The following KLF8 variants were observed in gnomAD, a reference collection of about 807,000 sequenced individuals.
KLF8 encodes the protein KLF transcription factor 8.
In KLF8, 10 loss-of-function variants were observed where a neutral mutation model predicts 18.2. The observed-to-expected ratio is 0.55, with a 90% CI of 0.34 to 0.93. The LOEUF (loss-of-function observed/expected upper bound fraction) is 0.93. Ranked by LOEUF, KLF8 falls within the 40% of genes least tolerant of loss-of-function variation. The probability of loss-of-function intolerance (pLI) is 0.02; values close to 1 mark genes in which losing one functional copy is unlikely to be tolerated. For missense variants in KLF8, 264 were observed against 277.9 expected (o/e 0.95, Z 0.36); for synonymous variants, 109 against 97.3 (o/e 1.12, Z -0.71).
chrX:55,953,922 T>C, the KLF8 span, among the ~76,000 whole-genome samples: 1 of 109,407 alleles, frequency 9.1e-6, no homozygotes, highest in African/African-American at 3.3e-5. Context: ...AAACAAACAA[T>C]CAAATTATAT....
chrX:56,161,021 C>G, the KLF8 span, among the ~76,000 whole-genome samples: 1 of 111,447 alleles, frequency 9.0e-6, no homozygotes, highest in Admixed American at 9.6e-5. Flanking sequence ...TTTGCAGTGG[C>G]TGGTACCGGT....
chrX:55,935,711 T>C, the KLF8 span, among the ~76,000 whole-genome samples: 17 of 112,247 alleles, frequency 1.5e-4, no homozygotes, highest in Non-Finnish European at 3.8e-5. Context: ...GTGATAACTT[T>C]TATAAGACTT....
the KLF8 span, among the ~76,000 whole-genome samples, chrX:56,127,751 T>A: frequency 1.8e-5 from 2 of 112,024 alleles, no homozygotes; most frequent in African/African-American, 6.5e-5. Flanking sequence ...TCATGTTATA[T>A]ACCTTAAAAT....
chrX:56,097,475 G>T, the KLF8 span, among the ~76,000 whole-genome samples: 2 of 106,952 alleles, frequency 1.9e-5, no homozygotes, highest in Admixed American at 2.0e-4. Flanking sequence ...GATTACATGT[G>T]TGTGCACCAC....
chrX:55,928,614 T>G, the KLF8 span, among the ~76,000 whole-genome samples: 17 of 111,383 alleles, frequency 1.5e-4, no homozygotes, highest in African/African-American at 5.2e-4. Context: ...ACATGTAGTA[T>G]TTGGTTTTTG....
rs755129733 is a variant in KLF8 at position 56,274,597 on chromosome X, G to T, written c.898+4276G>T. Among the ~76,000 whole-genome samples the T allele has an allele frequency of 2.7e-5, 3 of 112,136 alleles. No individual in the cohort carries two copies. In the East Asian group the frequency reaches 8.4e-4, roughly 31 times the overall value. ...TCAACAAATCTTTGCCCAGTTCAAT[G>T]TCCTGGAGACTTTCCCCAATATTTT... On this transcript the variant is annotated intron_variant, in intron 5 of 5. Transcript: ENST00000468660.
the KLF8 span, among the ~76,000 whole-genome samples, chrX:56,115,583 G>C: frequency 1.8e-5 from 2 of 111,789 alleles, no homozygotes; most frequent in Admixed American, 1.9e-4. Context: ...CACAGGTGTA[G>C]AACAAGCAAG....
intron 2 of KLF8, 108 bp downstream of exon 2, chrX:56,250,412 G>T: frequency 1.7e-6 from 1 of 586,660 alleles, no homozygotes; most frequent in Admixed American, 3.0e-5. Context: ...CATGTTTGGG[G>T]ATTGAGAAGA....
At chrX:56,064,585 TTTG>T in the KLF8 span, among the ~76,000 whole-genome samples, 1 of 111,860 alleles carries the variant, frequency 8.9e-6, no homozygotes, top group Non-Finnish European at 1.9e-5. Context: ...TTATATATTC[TTTG>T]TTTCTTTATT....
Position 56,241,721 on chromosome X carries a change from A to G in KLF8, c.7+8380A>G, listed in dbSNP as rs771496824. ...ACAACAGTGAAGCCTGATCTAGAATACAAGTCTCCCAGATCCTAGTTAAAT... is the reference window on the plus strand; with the variant it reads ...ACAACAGTGAAGCCTGATCTAGAATGCAAGTCTCCCAGATCCTAGTTAAAT... On this transcript the variant is annotated intron_variant, in intron 1 of 5. Transcript: ENST00000468660. Among the ~76,000 whole-genome samples, 9 of 112,262 alleles carry G rather than the reference A, an allele frequency of 8.0e-5. No homozygotes were observed. In the South Asian group the frequency reaches 3.3e-3, roughly 42 times the overall value.
the KLF8 span, among the ~76,000 whole-genome samples, chrX:56,194,401 A>G: frequency 2.7e-5 from 3 of 112,218 alleles, no homozygotes; most frequent in African/African-American, 9.7e-5. Context: ...CCAGCAGACA[A>G]GGAGATTCCT....
At chrX:56,180,761 G>A in the KLF8 span, among the ~76,000 whole-genome samples, 1,059 of 111,717 alleles carry the variant, frequency 9.5e-3, 10 homozygotes, top group African/African-American at 0.033. Context: ...TTTCCATATA[G>A]TTGTGCAGTT....
At chrX:56,243,483 G>A in intron 1 of KLF8, 1 of 137,119 alleles carries the variant, frequency 7.3e-6, no homozygotes, top group Non-Finnish European at 1.4e-5. Flanking sequence ...TTTAGACTGG[G>A]TACCTCAAGT....
the KLF8 span, among the ~76,000 whole-genome samples, chrX:55,914,101 A>G: frequency 6.2e-5 from 7 of 112,003 alleles, no homozygotes; most frequent in African/African-American, 2.3e-4. Flanking sequence ...TATGTAATGG[A>G]CAGAGAACAT....
At chrX:56,249,602 G>A (rs959541583) in intron 1 of KLF8, among the ~76,000 whole-genome samples, 18 of 111,540 alleles carry the variant, frequency 1.6e-4, no homozygotes, top group Non-Finnish European at 3.2e-4. Flanking sequence ...GGAAAAAAAA[G>A]GCCTTGCCAA....
At chrX:56,261,381 A>G (rs1379583168) in intron 2 of KLF8, among the ~76,000 whole-genome samples, 2 of 111,857 alleles carry the variant, frequency 1.8e-5, no homozygotes, top group Admixed American at 9.6e-5. Context: ...GAAAGTAGCT[A>G]TTCTCTTTGA....
the KLF8 span, among the ~76,000 whole-genome samples, chrX:56,143,421 A>C: frequency 1.8e-5 from 2 of 112,085 alleles, no homozygotes; most frequent in Non-Finnish European, 3.8e-5. Flanking sequence ...GTTTATATCT[A>C]TCTCCCCAAC....
the KLF8 span, among the ~76,000 whole-genome samples, chrX:56,003,968 A>G: frequency 8.9e-6 from 1 of 112,457 alleles, no homozygotes; most frequent in African/African-American, 3.2e-5. Flanking sequence ...TTCTTTGCTT[A>G]TCTTGCTCTG....
the KLF8 span, among the ~76,000 whole-genome samples, chrX:56,006,464 C>T: frequency 8.9e-6 from 1 of 112,242 alleles, no homozygotes; most frequent in South Asian, 3.7e-4. Flanking sequence ...TGAAGATCTG[C>T]TCAGAGTGTA....
Sources: allele counts gnomAD v4.1 joint callset (sites outside exome capture counted in the v4.1 genomes callset), GRCh38; gene constraint gnomAD v4.1.1; transcripts MANE v1.5; gene names NCBI Gene and HGNC (gene_info 2026-07-23, HGNC 2026-07-21).